Variants in ARL15 observed in about 807,000 individuals in gnomAD.
ARL15 encodes ARF like GTPase 15.
In ARL15, 19 loss-of-function variants were observed where a neutral mutation model predicts 25.2. The ratio of observed to expected loss-of-function variants is 0.75; its 90% CI spans 0.53 to 1.10. The LOEUF is 1.10. Ranked by LOEUF, ARL15 falls within the 50% of genes least tolerant of loss-of-function variation. ARL15 has a pLI of 0.00. For missense variants in ARL15, 220 were observed against 246.0 expected (o/e 0.89, Z 0.71); for synonymous variants, 94 against 86.8 (o/e 1.08, Z -0.46).
intron 3 of ARL15, among the ~76,000 whole-genome samples, chr5:54,142,614 G>A (rs1012266922): frequency 6.6e-6 from 1 of 152,096 alleles, no homozygotes; most frequent in Non-Finnish European, 1.5e-5. Context: ...CCCCTCATAA[G>A]GACAAGATGC....
chr5:54,040,810 T>G (rs1750320198), intron 4 of ARL15, among the ~76,000 whole-genome samples: 2 of 152,206 alleles, frequency 1.3e-5, no homozygotes, highest in African/African-American at 4.8e-5. Flanking sequence ...GGTGTAGTTT[T>G]TATAGTGCAT....
chr5:54,171,733 A>G, intron 2 of ARL15, 51 bp downstream of exon 2: 1 of 1,557,750 alleles, frequency 6.4e-7, no homozygotes, highest in Non-Finnish European at 8.7e-7. Flanking sequence ...GGAAACTAGG[A>G]CATCTTGGGA....
intron 1 of ARL15, chr5:54,308,061 G>A (rs1228591543): frequency 6.6e-6 from 1 of 152,184 alleles, no homozygotes; most frequent in African/African-American, 2.4e-5. Flanking sequence ...GCCACACAGA[G>A]TATGCATAAG....
At chr5:54,194,828 GA>G (rs1327672513) in intron 1 of ARL15, among the ~76,000 whole-genome samples, 1 of 152,126 alleles carries the variant, frequency 6.6e-6, no homozygotes, top group Non-Finnish European at 1.5e-5. Flanking sequence ...GGCACAAAAT[GA>G]ACCATGTTTG....
At chr5:54,080,010 C>CATAT (rs1554038851) in intron 4 of ARL15, among the ~76,000 whole-genome samples, 2,204 of 144,760 alleles carry the variant, frequency 0.015, 63 homozygotes, top group East Asian at 0.082. Flanking sequence ...CACACACACA[C>CATAT]ACACACAGAC....
intron 4 of ARL15, among the ~76,000 whole-genome samples, chr5:54,063,436 G>T (rs960838892): frequency 1.3e-5 from 2 of 152,172 alleles, no homozygotes; most frequent in Non-Finnish European, 2.9e-5. Flanking sequence ...CAGCTTGTGG[G>T]CAGACACAAA....
At chr5:54,155,552 C>A (rs1160349167) in intron 2 of ARL15, among the ~76,000 whole-genome samples, 1 of 152,030 alleles carries the variant, frequency 6.6e-6, no homozygotes, top group Non-Finnish European at 1.5e-5. Context: ...ACATGTAATA[C>A]AAGTTTTATA....
chr5:54,270,750 C>T (rs1052436362), intron 1 of ARL15, among the ~76,000 whole-genome samples: 3 of 152,158 alleles, frequency 2.0e-5, no homozygotes, highest in African/African-American at 7.2e-5. Context: ...GAACTGTATT[C>T]CCACTGTAAT....
intron 1 of ARL15, among the ~76,000 whole-genome samples, chr5:54,297,439 G>A (rs913515492): frequency 1.3e-5 from 2 of 152,206 alleles, no homozygotes; most frequent in South Asian, 4.1e-4. Context: ...GTTTTGTTGT[G>A]GGCAGCCTGC....
chr5:54,216,000 A>G (rs1420423402), intron 1 of ARL15, among the ~76,000 whole-genome samples: 2 of 152,212 alleles, frequency 1.3e-5, no homozygotes, highest in Admixed American at 6.5e-5. Flanking sequence ...TATTACAAAC[A>G]TAAGAGCAAG....
At chr5:54,217,134 C>T (rs1756229936) in intron 1 of ARL15, among the ~76,000 whole-genome samples, 1 of 150,624 alleles carries the variant, frequency 6.6e-6, no homozygotes, top group African/African-American at 2.4e-5. Flanking sequence ...TTTATCCTCC[C>T]AAAGTATTTT....
chr5:54,048,349 C>T (rs1750591723), intron 4 of ARL15: 1 of 149,346 alleles, frequency 6.7e-6, no homozygotes, highest in Non-Finnish European at 1.5e-5. Context: ...ACTCAATTAC[C>T]TTTCATCAAA....
At chr5:54,179,522 T>C (rs955612747) in intron 1 of ARL15, among the ~76,000 whole-genome samples, 4 of 152,088 alleles carry the variant, frequency 2.6e-5, no homozygotes, top group Admixed American at 2.0e-4. Context: ...GCAGCTCTCT[T>C]GGAGTTAGAG....
rs3063747 is a variant in ARL15, at chr5:54,165,738, T to TTATATATATATATATATA, written c.193+6045_193+6046insTATATATATATATATATA. Among the ~76,000 whole-genome samples the TTATATATATATATATATA allele has an allele frequency of 2.0e-5, 3 of 147,940 alleles. No individual in the cohort carries two copies. The East Asian group carries it at 6.0e-4, about 29-fold the overall frequency. Reference sequence around the variant, plus strand: ...TATGGATATAAATATATACCTTTGTTTATATATATATATATAAATAGAGAC... The same window carrying TTATATATATATATATATA: ...TATGGATATAAATATATACCTTTGTTTATATATATATATATATATATATATATATATATAAATAGAGAC... On this transcript the variant is annotated intron_variant, in intron 2 of 4. Transcript: ENST00000504924.
At position 54,001,767 on chromosome 5, in the gene ARL15, G is replaced by C. The variant is rs150716653; in HGVS notation, c.462+111435C>G. ...TAATTTGAGTCAACAATGGCTGAAG[G>C]AACATCCTTAAATGCTTATCTCAAG... On this transcript the variant is annotated intron_variant, in intron 4 of 4. Transcript: ENST00000504924. Among the ~76,000 whole-genome samples the C allele has an allele frequency of 1.6e-4, 24 of 152,274 alleles. No homozygotes were observed. The East Asian group carries it at 4.6e-3, about 29-fold the overall frequency.
intron 4 of ARL15, among the ~76,000 whole-genome samples, chr5:54,022,921 C>T (rs1474839474): frequency 6.6e-6 from 1 of 152,140 alleles, no homozygotes; most frequent in Non-Finnish European, 1.5e-5. Context: ...AATTACAACA[C>T]TGTCTGATGT....
intron 4 of ARL15, among the ~76,000 whole-genome samples, chr5:54,006,260 A>C (rs1419169371): frequency 6.6e-6 from 1 of 152,030 alleles, no homozygotes; most frequent in Non-Finnish European, 1.5e-5. Flanking sequence ...TATACCCCAG[A>C]AATCATTTCT....
At chr5:53,994,912 C>G (rs1332551410) in intron 4 of ARL15, among the ~76,000 whole-genome samples, 1 of 152,102 alleles carries the variant, frequency 6.6e-6, no homozygotes, top group Non-Finnish European at 1.5e-5. Context: ...TGTCTTCAAG[C>G]AATCCTCCCA....
At chr5:54,110,702 TA>T (rs1752714897) in intron 4 of ARL15, among the ~76,000 whole-genome samples, 1 of 152,126 alleles carries the variant, frequency 6.6e-6, no homozygotes, top group Admixed American at 6.5e-5. Context: ...AAAGAGAGAA[TA>T]AAAAGACGAC....
Sources: allele counts gnomAD v4.1 joint callset (sites outside exome capture counted in the v4.1 genomes callset), GRCh38; gene constraint gnomAD v4.1.1; transcripts MANE v1.5; gene names NCBI Gene and HGNC (gene_info 2026-07-23, HGNC 2026-07-21).